Variants in SLC31A1 observed in about 807,000 individuals in gnomAD.
SLC31A1 encodes high affinity copper uptake protein 1.
A neutral mutation model predicts 17.2 loss-of-function variants in SLC31A1; 5 were observed. That is an observed-to-expected ratio of 0.29 (90% confidence interval 0.15 to 0.61). The LOEUF is 0.61. Ranked by LOEUF, SLC31A1 falls within the 20% of genes least tolerant of loss-of-function variation. SLC31A1 has a pLI of 0.86. For synonymous variants in SLC31A1, 76 were observed against 78.8 expected (o/e 0.96, Z 0.19); for missense variants, 161 against 241.4 (o/e 0.67, Z 2.21).
intron 1 of SLC31A1, among the ~76,000 whole-genome samples, chr9:113,253,164 C>T (rs915690643): frequency 6.6e-6 from 1 of 152,058 alleles, no homozygotes; most frequent in African/African-American, 2.4e-5. Flanking sequence ...CCCATGTTAG[C>T]CAGGATGGTC....
Position 113,260,906 on chromosome 9 carries a change from T to C in SLC31A1, c.*433T>C. 1 of 292,648 alleles carries C rather than the reference T, an allele frequency of 3.4e-6. No homozygotes were observed. The highest frequency in any genetic ancestry group is 6.6e-6 in the Non-Finnish European group (1 of 150,460). 18.1% of individuals were successfully genotyped at this position (292,648 alleles called of 1,614,324 possible). A position where few individuals can be genotyped will look rare whatever the true frequency, so the allele number is the denominator to read the frequency against. On this transcript the variant is annotated 3_prime_UTR_variant, in exon 5 of 5. Coordinates refer to ENST00000374212, the MANE Select transcript of SLC31A1 (RefSeq NM_001859.4). The stretch of plus-strand genomic sequence containing the variant: ...GAAAGGGGTTAACTTCAGCCAGGAT[T>C]GATGGCAGCTGAGGGAAATTCTTGC...
At chr9:113,240,200 A>G (rs1481570411) in intron 1 of SLC31A1, among the ~76,000 whole-genome samples, 1 of 152,054 alleles carries the variant, frequency 6.6e-6, no homozygotes, top group Non-Finnish European at 1.5e-5. Flanking sequence ...ATACCTACCT[A>G]TATATATTTA....
At chr9:113,222,671 T>C (rs544080133) in intron 1 of SLC31A1, among the ~76,000 whole-genome samples, 2 of 152,326 alleles carry the variant, frequency 1.3e-5, no homozygotes, top group African/African-American at 2.4e-5. Context: ...TTGCACCTCC[T>C]GGCAAAGATG....
At chr9:113,257,311 T>C in intron 3 of SLC31A1, 126 bp downstream of exon 3, 1 of 854,634 alleles carries the variant, frequency 1.2e-6, no homozygotes, top group Non-Finnish European at 2.0e-6. Flanking sequence ...TGCATAACCA[T>C]CTTGGTTCCT....
At chr9:113,225,246 T>C (rs1422857354) in intron 1 of SLC31A1, among the ~76,000 whole-genome samples, 1 of 152,222 alleles carries the variant, frequency 6.6e-6, no homozygotes, top group East Asian at 1.9e-4. Flanking sequence ...TGGGATAGTT[T>C]GCTAAGAGTA....
At chr9:113,252,388 C>T (rs941411270) in intron 1 of SLC31A1, among the ~76,000 whole-genome samples, 3 of 152,246 alleles carry the variant, frequency 2.0e-5, no homozygotes, top group East Asian at 1.9e-4. Flanking sequence ...CTCCGCCTCC[C>T]GGGTTCAAGC....
At chr9:113,256,622 G>A (rs1831731118) in intron 2 of SLC31A1, 2 of 264,310 alleles carry the variant, frequency 7.6e-6, no homozygotes, top group Non-Finnish European at 1.5e-5. Context: ...AACACTTTGG[G>A]AGGCCAAGGC....
chr9:113,262,298 C>T lies in SLC31A1; in HGVS notation c.*1825C>T, dbSNP rs1043834695. The stretch of plus-strand genomic sequence containing the variant: ...TACAAGTGGCCAAAACCCCTGTTCT[C>T]AGTGAAGAACCACATTGGATTTGTA... On this transcript the variant is annotated 3_prime_UTR_variant, in exon 5 of 5. Coordinates refer to ENST00000374212, the MANE Select transcript of SLC31A1 (RefSeq NM_001859.4). The T allele has an allele frequency of 6.6e-6, 1 of 152,666 alleles. No homozygotes were observed. Among genetic ancestry groups the T allele is most frequent in the African/African-American group, 2.4e-5 (1 of 41,444 alleles). 9.5% of individuals were successfully genotyped at this position (152,666 alleles called of 1,614,324 possible).
At chr9:113,234,391 G>T (rs969960284) in intron 1 of SLC31A1, among the ~76,000 whole-genome samples, 1 of 150,108 alleles carries the variant, frequency 6.7e-6, no homozygotes, top group African/African-American at 2.5e-5. Context: ...TGGCCAGGCT[G>T]GTCTCAAACT....
At chr9:113,222,972 A>G (rs1478025936) in intron 1 of SLC31A1, among the ~76,000 whole-genome samples, 2 of 152,176 alleles carry the variant, frequency 1.3e-5, no homozygotes, top group Non-Finnish European at 2.9e-5. Context: ...GGTATTTTTA[A>G]CATGGAATGA....
intron 1 of SLC31A1, chr9:113,227,193 A>G (rs761710580): frequency 3.3e-5 from 5 of 152,084 alleles, no homozygotes; most frequent in Admixed American, 2.0e-4. Flanking sequence ...TTCCTAGCCC[A>G]GTACTTTTAC....
intron 1 of SLC31A1, among the ~76,000 whole-genome samples, chr9:113,251,341 G>C (rs955457166): frequency 5.3e-5 from 8 of 152,082 alleles, no homozygotes; most frequent in Non-Finnish European, 1.2e-4. Context: ...AGAATCGCTT[G>C]AACCTGAGAG....
intron 1 of SLC31A1, among the ~76,000 whole-genome samples, chr9:113,241,572 T>C (rs1006331375): frequency 1.3e-5 from 2 of 152,194 alleles, no homozygotes; most frequent in African/African-American, 4.8e-5. Context: ...TTCCAATTCT[T>C]AGTGGGATTC....
At chr9:113,224,862 G>A (rs987285008) in intron 1 of SLC31A1, among the ~76,000 whole-genome samples, 2 of 152,194 alleles carry the variant, frequency 1.3e-5, no homozygotes, top group African/African-American at 4.8e-5. Flanking sequence ...CTTATTAGTT[G>A]TATAGGCCAT....
chr9:113,236,924 T>A (rs1206781060), intron 1 of SLC31A1, among the ~76,000 whole-genome samples: 1 of 151,726 alleles, frequency 6.6e-6, no homozygotes, highest in Admixed American at 6.6e-5. Flanking sequence ...TGTTTGAGAG[T>A]GACAGCACTG....
At chr9:113,239,682 C>T (rs1006393988) in intron 1 of SLC31A1, among the ~76,000 whole-genome samples, 3 of 152,218 alleles carry the variant, frequency 2.0e-5, no homozygotes, top group Non-Finnish European at 2.9e-5. Context: ...CTCCTGGGTT[C>T]AAGTGATTCT....
chr9:113,242,151 C>T (rs893122361), intron 1 of SLC31A1, among the ~76,000 whole-genome samples: 6 of 151,794 alleles, frequency 4.0e-5, no homozygotes, highest in African/African-American at 1.2e-4. Context: ...ATCACGCCAC[C>T]GCACTCCAGT....
intron 1 of SLC31A1, among the ~76,000 whole-genome samples, chr9:113,234,452 C>T (rs921743373): frequency 6.9e-6 from 1 of 145,108 alleles, no homozygotes; most frequent in African/African-American, 2.6e-5. Flanking sequence ...GCTGGGATTA[C>T]AGGCATGAAC....
intron 1 of SLC31A1, among the ~76,000 whole-genome samples, chr9:113,224,772 G>T (rs1359666390): frequency 6.6e-6 from 1 of 152,172 alleles, no homozygotes; most frequent in Non-Finnish European, 1.5e-5. Context: ...ATTCAGTGTG[G>T]TGTTTTAGAA....
Sources: gnomAD v4.1 joint callset for allele counts (sites outside exome capture counted in the v4.1 genomes callset) on GRCh38, gnomAD v4.1.1 for gene constraint, MANE v1.5 for transcripts, NCBI Gene and HGNC (gene_info 2026-07-23, HGNC 2026-07-21) for gene names.